COBL: variants seen among roughly 807,000 people sequenced by gnomAD.
COBL encodes the protein cordon-bleu WH2 repeat protein, also known as protein cordon-bleu.
Under a neutral mutation model 98.8 loss-of-function variants are expected in COBL, and 51 were observed. The ratio of observed to expected loss-of-function variants is 0.52; its 90% CI spans 0.41 to 0.65. The LOEUF (loss-of-function observed/expected upper bound fraction) is 0.65. Among genes scored for constraint, COBL ranks in the 30% least tolerant of loss-of-function variants. The probability of loss-of-function intolerance (pLI) is 0.00; values close to 1 mark genes in which losing one functional copy is unlikely to be tolerated. For missense variants in COBL, 1,617 were observed against 1,617.5 expected, an observed-to-expected ratio of 1.00 and a Z score of 0.01; for synonymous variants, 634 against 651.7, an observed-to-expected ratio of 0.97 and a Z score of 0.41.
chr7:51,099,782 T>G (rs1583790429), intron 6 of COBL, among the ~76,000 whole-genome samples: 3 of 152,316 alleles, frequency 2.0e-5, no homozygotes, highest in Admixed American at 2.0e-4. Context: ...AGAGTCCTTG[T>G]CATCTGGTTA....
At position 51,030,847 on chromosome 7, in the gene COBL, C is replaced by T. The variant is rs201337619; in HGVS notation, c.1469G>A (p.Arg490His). 1.4e-4 allele frequency: 220 copies of T among 1,610,084 alleles called. No individual in the cohort carries two copies. Among genetic ancestry groups the T allele is most frequent in the Non-Finnish European group, 1.8e-4 (212 of 1,179,014 alleles). ...EEDLLIAGEF[R>H]KTLAELDEDL... ...TTCATCAAGTTCTGCAAGGGTTTTACGGAACTCTCCAGCAATTAATAGGTC... is the reference window on the plus strand; with the variant it reads ...TTCATCAAGTTCTGCAAGGGTTTTATGGAACTCTCCAGCAATTAATAGGTC... The change falls in exon 9 of 13, where the codon CGT becomes CAT. Residue 490 changes from arginine to histidine, a missense_variant. Arg to His is a conservative substitution (Grantham distance 29, BLOSUM62 0). Coordinates refer to ENST00000265136, the MANE Select transcript of COBL (RefSeq NM_015198.5).
At chr7:51,101,028 C>G (rs987734170) in intron 6 of COBL, among the ~76,000 whole-genome samples, 4 of 152,194 alleles carry the variant, frequency 2.6e-5, no homozygotes, top group African/African-American at 9.7e-5. Flanking sequence ...CTCATTGTTA[C>G]ACAATTTGGA....
chr7:51,200,052 C>T (rs893704370), intron 2 of COBL, among the ~76,000 whole-genome samples: 1 of 152,148 alleles, frequency 6.6e-6, no homozygotes. Flanking sequence ...CCTTGTCACA[C>T]ACAAGGGAAA....
chr7:51,230,566 C>T (rs1465962817), intron 1 of COBL, among the ~76,000 whole-genome samples: 1 of 152,224 alleles, frequency 6.6e-6, no homozygotes, highest in African/African-American at 2.4e-5. Flanking sequence ...TTCTCTCCCC[C>T]AGACTCTTAC....
intron 7 of COBL, among the ~76,000 whole-genome samples, chr7:51,044,848 A>C (rs968625320): frequency 6.6e-6 from 1 of 152,242 alleles, no homozygotes; most frequent in African/African-American, 2.4e-5. Flanking sequence ...CCACGAAACC[A>C]AAAGAAAATC....
At chr7:51,301,081 GGAGT>G (rs1172162899) in intron 1 of COBL, among the ~76,000 whole-genome samples, 1 of 152,118 alleles carries the variant, frequency 6.6e-6, no homozygotes, top group Non-Finnish European at 1.5e-5. Flanking sequence ...GCTGAGATGA[GGAGT>G]GAGTGCGGTG....
intron 1 of COBL, among the ~76,000 whole-genome samples, chr7:51,265,126 C>T (rs906116124): frequency 6.6e-6 from 1 of 152,238 alleles, no homozygotes; most frequent in Non-Finnish European, 1.5e-5. Context: ...GTCTACACAG[C>T]AGAACCTCAG....
intron 2 of COBL, among the ~76,000 whole-genome samples, chr7:51,201,264 A>T (rs901403953): frequency 2.0e-5 from 3 of 151,762 alleles, no homozygotes; most frequent in South Asian, 2.1e-4. Flanking sequence ...AAAGAAAGAA[A>T]GAATGAAAGA....
At chr7:51,019,868 T>C (rs1786750105) in intron 12 of COBL, among the ~76,000 whole-genome samples, 1 of 152,212 alleles carries the variant, frequency 6.6e-6, no homozygotes, top group Non-Finnish European at 1.5e-5. Context: ...TCACAGCAAC[T>C]TGGAGTTCTC....
rs115229899 is a variant in COBL at position 51,067,455 on chromosome 7, C to T, written c.1096+17711G>A. ...CACATGTATTGTGTGGGTATGCATACATGCACTGTATATACATCTATGCAC... is the reference window on the plus strand; with the variant it reads ...CACATGTATTGTGTGGGTATGCATATATGCACTGTATATACATCTATGCAC... On this transcript the variant is annotated intron_variant, in intron 7 of 12. Transcript: ENST00000265136. 6.5e-3 allele frequency among the ~76,000 whole-genome samples: 995 copies of T among 152,312 alleles called. 10 individuals carry two copies. Among genetic ancestry groups the T allele is most frequent in the African/African-American group, 0.023 (937 of 41,562 alleles).
At chr7:51,215,548 T>C (rs1311518231) in intron 2 of COBL, among the ~76,000 whole-genome samples, 1 of 152,244 alleles carries the variant, frequency 6.6e-6, no homozygotes, top group Non-Finnish European at 1.5e-5. Context: ...AAGTGGGCTC[T>C]GGCTCACAGG....
chr7:51,314,207 T>G (rs1335878932), intron 1 of COBL, among the ~76,000 whole-genome samples: 1 of 152,212 alleles, frequency 6.6e-6, no homozygotes, highest in African/African-American at 2.4e-5. Context: ...GTTAATTCAC[T>G]GCACCCAGTC....
intron 1 of COBL, among the ~76,000 whole-genome samples, chr7:51,292,086 G>A (rs931848085): frequency 2.0e-5 from 3 of 151,288 alleles, no homozygotes; most frequent in Admixed American, 6.6e-5. Context: ...GGCGGAGGCT[G>A]TAGTGAGCCG....
chr7:51,177,240 C>T (rs1207682490), intron 5 of COBL, among the ~76,000 whole-genome samples: 1 of 152,066 alleles, frequency 6.6e-6, no homozygotes, highest in Non-Finnish European at 1.5e-5. Flanking sequence ...CTCACTTGTG[C>T]CTCCTGAAAA....
intron 1 of COBL, among the ~76,000 whole-genome samples, chr7:51,228,931 C>T (rs1297617564): frequency 6.6e-6 from 1 of 152,082 alleles, no homozygotes; most frequent in Non-Finnish European, 1.5e-5. Context: ...AAAAGCAGTG[C>T]TAGTTTACTG....
intron 1 of COBL, among the ~76,000 whole-genome samples, chr7:51,272,820 G>A (rs569176015): frequency 6.6e-6 from 1 of 152,288 alleles, no homozygotes; most frequent in African/African-American, 2.4e-5. Flanking sequence ...ATTGGGCTAA[G>A]ACATGTAATT....
At chr7:51,112,914 A>G (rs1351262191) in intron 6 of COBL, among the ~76,000 whole-genome samples, 1 of 152,206 alleles carries the variant, frequency 6.6e-6, no homozygotes, top group African/African-American at 2.4e-5. Context: ...TTCTTCCCAT[A>G]TGTGGCAACC....
chr7:51,198,745 C>A (rs1294471862), intron 2 of COBL, among the ~76,000 whole-genome samples: 1 of 152,162 alleles, frequency 6.6e-6, no homozygotes, highest in Non-Finnish European at 1.5e-5. Context: ...GGTAAACACA[C>A]AGGTGCGAGT....
intron 7 of COBL, among the ~76,000 whole-genome samples, chr7:51,055,250 G>A (rs769682092): frequency 1.3e-5 from 2 of 152,128 alleles, no homozygotes; most frequent in Admixed American, 6.5e-5. Context: ...CAAAGCCCAC[G>A]CTACTGCCAC....
Sources: gnomAD v4.1 joint callset for allele counts (sites outside exome capture counted in the v4.1 genomes callset) on GRCh38, gnomAD v4.1.1 for gene constraint, MANE v1.5 for transcripts, NCBI Gene and HGNC (gene_info 2026-07-23, HGNC 2026-07-21) for gene names.